The following DNAH11 variants were observed in gnomAD, a reference collection of about 807,000 sequenced individuals.
DNAH11 encodes the protein dynein axonemal heavy chain 11, also known as axonemal beta dynein heavy chain 11.
A neutral mutation model predicts 526.0 loss-of-function variants in DNAH11; 442 were observed. That is an observed-to-expected ratio of 0.84 (90% CI 0.78 to 0.91). The LOEUF (loss-of-function observed/expected upper bound fraction) is 0.91, where lower values mean the gene tolerates loss of function less well. DNAH11 is among the 40% of genes least tolerant of loss of function. DNAH11 has a pLI of 0.00. For missense variants in DNAH11, 6,989 were observed against 5,448.7 expected (o/e 1.28, Z -8.90); for synonymous variants, 2,461 against 1,935.9 (o/e 1.27, Z -7.12).
intron 48 of DNAH11, among the ~76,000 whole-genome samples, chr7:21,741,088 T>C (rs766714555): frequency 1.3e-4 from 20 of 152,226 alleles, no homozygotes; most frequent in Non-Finnish European, 2.5e-4. Flanking sequence ...CATTGAGTTA[T>C]AAGAAGCCTC....
At chr7:21,671,499 A>G (rs548771674) in intron 30 of DNAH11, among the ~76,000 whole-genome samples, 3 of 152,250 alleles carry the variant, frequency 2.0e-5, no homozygotes, top group African/African-American at 7.2e-5. Context: ...ATCTGCCCAG[A>G]TGTCCTACTT....
chr7:21,628,687 C>T (rs1050229007), intron 25 of DNAH11, among the ~76,000 whole-genome samples: 5 of 152,124 alleles, frequency 3.3e-5, no homozygotes, highest in Admixed American at 3.3e-4. Flanking sequence ...TGAATTCCAT[C>T]AGCTAATATT....
At chr7:21,883,191 T>C (rs751336127) in intron 75 of DNAH11, among the ~76,000 whole-genome samples, 1 of 152,236 alleles carries the variant, frequency 6.6e-6, no homozygotes, top group Non-Finnish European at 1.5e-5. Context: ...TGTTCTGTTC[T>C]GTCACATCAC....
rs748626097 is a variant in DNAH11 at position 21,615,231 on chromosome 7, A to G, written c.3970A>G (p.Lys1324Glu). The change falls in exon 21 of 82, where the codon AAA becomes GAA. Residue 1324 changes from lysine to glutamate, a missense_variant. Transcript: ENST00000409508. ...KQMKQCRKEI[K>E]LLKGLWDVII... is the part of the protein sequence containing the mutation. ...AATGAAACAGTGTCGCAAAGAAATA[A>G]AATTGCTCAAGGGACTGTGGGATGT... 6.2e-7 allele frequency: 1 copy of G among 1,613,460 alleles called. No individual in the cohort carries two copies. Among genetic ancestry groups the G allele is most frequent in the African/African-American group, 1.3e-5 (1 of 74,920 alleles).
intron 4 of DNAH11, 102 bp downstream of exon 4, chr7:21,559,894 T>C (rs1369663685): frequency 2.0e-6 from 2 of 1,002,834 alleles, no homozygotes; most frequent in Non-Finnish European, 2.9e-6. Flanking sequence ...TTGTATAATT[T>C]ACTGGTCTGC....
rs1005899071 is a variant in DNAH11 at position 21,744,309 on chromosome 7, C to G, written c.8155-129C>G. On this transcript the variant is annotated intron_variant, in intron 49 of 81. Transcript: ENST00000409508. ...AAACCTACTTTTATACACGAACACG[C>G]ACATTACTATTGATGATATTTCTTT... The G allele has an allele frequency of 1.7e-5, 18 of 1,038,072 alleles. No homozygotes were observed. In the African/African-American group the frequency reaches 1.9e-4, roughly 11 times the overall value. 64.3% of individuals were successfully genotyped at this position (1,038,072 alleles called of 1,614,324 possible).
intron 61 of DNAH11, among the ~76,000 whole-genome samples, chr7:21,792,853 G>A (rs1788535619): frequency 6.6e-6 from 1 of 151,306 alleles, no homozygotes; most frequent in African/African-American, 2.4e-5. Flanking sequence ...TTGATATTTT[G>A]TATTTTTTAG....
intron 14 of DNAH11, among the ~76,000 whole-genome samples, chr7:21,598,798 C>G (rs1325450494): frequency 2.0e-5 from 3 of 152,070 alleles, no homozygotes; most frequent in Non-Finnish European, 4.4e-5. Flanking sequence ...TCCATGTGTT[C>G]TCATCATTTA....
chr7:21,795,276 C>T (rs1256328234), intron 61 of DNAH11, among the ~76,000 whole-genome samples: 3 of 152,148 alleles, frequency 2.0e-5, no homozygotes, highest in African/African-American at 7.2e-5. Flanking sequence ...GTACCTAGTA[C>T]CTAGTGGGTA....
intron 69 of DNAH11, among the ~76,000 whole-genome samples, chr7:21,864,256 T>C (rs1348881671): frequency 1.3e-5 from 2 of 152,242 alleles, no homozygotes; most frequent in African/African-American, 4.8e-5. Context: ...AAACACTTAA[T>C]ACGAATGCAT....
At chr7:21,742,260 C>G in intron 49 of DNAH11, 94 bp downstream of exon 49, 1 of 1,368,084 alleles carries the variant, frequency 7.3e-7, no homozygotes, top group Non-Finnish European at 9.9e-7. Flanking sequence ...AGAGAAACAC[C>G]TGAGGCTAGG....
intron 79 of DNAH11, among the ~76,000 whole-genome samples, chr7:21,896,973 G>A (rs752236710): frequency 9.9e-5 from 15 of 152,154 alleles, no homozygotes; most frequent in Admixed American, 4.6e-4. Flanking sequence ...TACTCAAGGT[G>A]TAGAGGTGGT....
At chr7:21,597,718 C>T (rs1453762875) in intron 14 of DNAH11, among the ~76,000 whole-genome samples, 1 of 152,206 alleles carries the variant, frequency 6.6e-6, no homozygotes, top group Non-Finnish European at 1.5e-5. Flanking sequence ...ACTCTCCCAA[C>T]ACATGGAGAT....
chr7:21,852,161 T>G lies in DNAH11; in HGVS notation c.10897-306T>G, dbSNP rs111791460. Among the ~76,000 whole-genome samples, 3,281 of 152,188 alleles carry G rather than the reference T, an allele frequency of 0.022. 113 individuals are homozygous for G. The highest frequency in any genetic ancestry group is 0.074 in the African/African-American group (3,080 of 41,510). On this transcript the variant is annotated intron_variant, in intron 66 of 81. Coordinates refer to ENST00000409508, the MANE Select transcript of DNAH11 (RefSeq NM_001277115.2). ...GGCTCACGCCTGTAATGGCAGCACT[T>G]TGGGAGGCCTAGGTGGGTGGATCAT...
intron 7 of DNAH11, 53 bp downstream of exon 7, chr7:21,570,352 A>C (rs1783837003): frequency 1.4e-6 from 2 of 1,430,146 alleles, no homozygotes; most frequent in Admixed American, 2.1e-5. Flanking sequence ...GCAAAAAGCC[A>C]GTAGCTTTTC....
intron 27 of DNAH11, 51 bp downstream of exon 27, chr7:21,637,753 C>A (rs1583552568): frequency 8.8e-7 from 1 of 1,140,724 alleles, no homozygotes; most frequent in East Asian, 2.6e-5. Context: ...TTTATGAAGT[C>A]TTTTTCACAT....
At chr7:21,760,854 G>T (rs1004022201) in intron 54 of DNAH11, among the ~76,000 whole-genome samples, 1 of 84,336 alleles carries the variant, frequency 1.2e-5, no homozygotes, top group African/African-American at 3.2e-5. Flanking sequence ...TTAACCAACA[G>T]CCCCTAAGGT....
At chr7:21,609,544 A>C (rs977102254) in intron 20 of DNAH11, among the ~76,000 whole-genome samples, 1 of 150,698 alleles carries the variant, frequency 6.6e-6, no homozygotes, top group African/African-American at 2.5e-5. Context: ...ATTTCTAGGA[A>C]TAATGGAATT....
intron 74 of DNAH11, among the ~76,000 whole-genome samples, chr7:21,877,320 C>G (rs564608255): frequency 5.3e-5 from 8 of 152,308 alleles, no homozygotes; most frequent in Admixed American, 5.2e-4. Flanking sequence ...AGTAATCCTC[C>G]TGCCTCAGCC....
Sources: allele counts gnomAD v4.1 joint callset (sites outside exome capture counted in the v4.1 genomes callset), GRCh38; gene constraint gnomAD v4.1.1; transcripts MANE v1.5; gene names NCBI Gene and HGNC (gene_info 2026-07-23, HGNC 2026-07-21).